The following TRHDE variants were observed in gnomAD, a reference collection of about 807,000 sequenced individuals.
TRHDE encodes the protein thyrotropin releasing hormone degrading enzyme.
Under a neutral mutation model 125.7 loss-of-function variants are expected in TRHDE, and 72 were observed. The ratio of observed to expected loss-of-function variants is 0.57; its 90% CI spans 0.47 to 0.70. TRHDE has a LOEUF of 0.70. Ranked by LOEUF, TRHDE falls within the 30% of genes least tolerant of loss-of-function variation. TRHDE has a pLI of 0.00. For missense variants in TRHDE, 1,110 were observed against 1,327.1 expected, an observed-to-expected ratio of 0.84 and a Z score of 2.54; for synonymous variants, 509 against 509.1, an observed-to-expected ratio of 1.00 and a Z score of 0.00.
intron 2 of TRHDE, among the ~76,000 whole-genome samples, chr12:72,347,875 T>C (rs933873806): frequency 2.0e-5 from 3 of 151,894 alleles, no homozygotes; most frequent in Non-Finnish European, 2.9e-5. Flanking sequence ...TTTTATTCAA[T>C]AGAAGCATAT....
intron 18 of TRHDE, among the ~76,000 whole-genome samples, chr12:72,661,062 A>G (rs1026625602): frequency 2.0e-5 from 3 of 152,154 alleles, no homozygotes; most frequent in Non-Finnish European, 2.9e-5. Context: ...TCCTCTTAAG[A>G]TACATATGAG....
At chr12:72,324,676 G>A (rs1869256251) in intron 2 of TRHDE, among the ~76,000 whole-genome samples, 1 of 152,080 alleles carries the variant, frequency 6.6e-6, no homozygotes, top group Non-Finnish European at 1.5e-5. Context: ...TTAGAGTCAG[G>A]AAATGGGGCG....
chr12:72,442,748 C>A (rs1875077266), intron 3 of TRHDE, among the ~76,000 whole-genome samples: 2 of 151,796 alleles, frequency 1.3e-5, no homozygotes, highest in Non-Finnish European at 2.9e-5. Context: ...ATTGTTTGTG[C>A]TCCCATGTAA....
chr12:72,499,810 G>A (rs1036893025), intron 6 of TRHDE, among the ~76,000 whole-genome samples, 175 bp downstream of exon 6: 5 of 152,142 alleles, frequency 3.3e-5, no homozygotes, highest in Admixed American at 1.3e-4. Flanking sequence ...TGCTTTAAAA[G>A]TTGGCAAAAT....
intron 6 of TRHDE, among the ~76,000 whole-genome samples, chr12:72,502,977 G>A (rs1237964096): frequency 1.3e-5 from 2 of 152,056 alleles, no homozygotes; most frequent in African/African-American, 4.8e-5. Context: ...CTTTGATTTG[G>A]CTTCACTCAG....
chr12:72,306,329 A>T (rs1029871319), intron 2 of TRHDE, among the ~76,000 whole-genome samples: 1 of 152,228 alleles, frequency 6.6e-6, no homozygotes, highest in Non-Finnish European at 1.5e-5. Context: ...TGGACTAAGC[A>T]TGATACCTCT....
At chr12:72,151,558 G>A (rs1458869324) in intron 2 of TRHDE, among the ~76,000 whole-genome samples, 1 of 151,726 alleles carries the variant, frequency 6.6e-6, no homozygotes, top group African/African-American at 2.4e-5. Context: ...AATCCATCTT[G>A]AATTAATTTT....
chr12:72,238,596 A>G (rs1309147008), intron 2 of TRHDE, among the ~76,000 whole-genome samples: 1 of 150,184 alleles, frequency 6.7e-6, no homozygotes, highest in South Asian at 2.1e-4. Context: ...CCCTGTGTCC[A>G]TGTGTTCTCC....
rs374241554 is a variant in TRHDE, at chr12:72,608,111, A to G, written c.2322-10780A>G. On this transcript the variant is annotated intron_variant, in intron 12 of 18. Coordinates refer to ENST00000261180, the MANE Select transcript of TRHDE (RefSeq NM_013381.3). ...TTTATTTTTGAGATATTTAATTGAG[A>G]TGGGCTATCTCTGGGTTTCATTTCA... 2.0e-4 allele frequency among the ~76,000 whole-genome samples: 30 copies of G among 152,204 alleles called. No individual in the cohort carries two copies. The East Asian group carries it at 5.8e-3, about 29-fold the overall frequency.
intron 3 of TRHDE, among the ~76,000 whole-genome samples, chr12:72,397,559 C>T (rs550495185): frequency 3.1e-4 from 47 of 152,310 alleles, no homozygotes; most frequent in East Asian, 1.2e-3. Flanking sequence ...CCCAACCCAC[C>T]ATTCTCCTTG....
At chr12:72,214,862 A>G (rs1877852564) in intron 2 of TRHDE, among the ~76,000 whole-genome samples, 1 of 152,182 alleles carries the variant, frequency 6.6e-6, no homozygotes, top group Admixed American at 6.5e-5. Flanking sequence ...GTTTATATAT[A>G]TATTCTCCTG....
chr12:72,507,234 A>G (rs1878392772), intron 6 of TRHDE, among the ~76,000 whole-genome samples: 2 of 152,200 alleles, frequency 1.3e-5, no homozygotes, highest in Non-Finnish European at 1.5e-5. Context: ...AATTGGCACC[A>G]GGAGTGGGGC....
At chr12:72,529,606 C>G (rs1309655672) in intron 6 of TRHDE, among the ~76,000 whole-genome samples, 6 of 152,126 alleles carry the variant, frequency 3.9e-5, no homozygotes, top group South Asian at 2.1e-4. Flanking sequence ...CTATTATACA[C>G]TACTGAAATT....
At chr12:72,529,883 A>G (rs1269663710) in intron 6 of TRHDE, among the ~76,000 whole-genome samples, 1 of 152,156 alleles carries the variant, frequency 6.6e-6, no homozygotes, top group African/African-American at 2.4e-5. Flanking sequence ...GAAGCAATAA[A>G]CAAATCAATG....
In TRHDE at chr12:72,521,864, G is replaced by C. The variant is rs536365131; in HGVS notation, c.1723-20427G>C. 2.6e-5 allele frequency among the ~76,000 whole-genome samples: 4 copies of C among 151,658 alleles called. No homozygotes were observed. In the East Asian group the frequency reaches 7.7e-4, roughly 29 times the overall value. ...GTAGTCAAATTTGTTAAGAGTAAAA[G>C]CAAGAGTTTTAAGTGCTGTCTAATG... On this transcript the variant is annotated intron_variant, in intron 6 of 18. Coordinates refer to ENST00000261180, the MANE Select transcript of TRHDE (RefSeq NM_013381.3).
At chr12:72,650,731 A>T (rs1874473433) in intron 15 of TRHDE, among the ~76,000 whole-genome samples, 1 of 152,044 alleles carries the variant, frequency 6.6e-6, no homozygotes, top group Non-Finnish European at 1.5e-5. Flanking sequence ...TCTTTTGGCA[A>T]AAGTAGGGCA....
intron 3 of TRHDE, among the ~76,000 whole-genome samples, chr12:72,379,151 G>A (rs371052952): frequency 2.1e-4 from 32 of 152,152 alleles, no homozygotes; most frequent in Non-Finnish European, 4.3e-4. Context: ...GAACCAGGCC[G>A]CTTTCATTAA....
At chr12:72,129,937 T>A (rs1025381539) in intron 2 of TRHDE, among the ~76,000 whole-genome samples, 6 of 152,226 alleles carry the variant, frequency 3.9e-5, no homozygotes, top group African/African-American at 1.2e-4. Flanking sequence ...GAAAATATTT[T>A]AAAAATTTCT....
chr12:72,322,609 A>G (rs7969176), intron 2 of TRHDE, among the ~76,000 whole-genome samples: 112,631 of 151,918 alleles, frequency 0.74, 42,198 homozygotes, highest in African/African-American at 0.8. Flanking sequence ...TTCCACAGGG[A>G]CAATGATTCA....
Sources: gnomAD v4.1 joint callset for allele counts (sites outside exome capture counted in the v4.1 genomes callset) on GRCh38, gnomAD v4.1.1 for gene constraint, MANE v1.5 for transcripts, NCBI Gene and HGNC (gene_info 2026-07-23, HGNC 2026-07-21) for gene names.